Variants in YEATS4 observed in about 807,000 individuals in gnomAD.
The protein encoded by YEATS4 is YEATS domain-containing protein 4.
In YEATS4, 17 loss-of-function variants were observed where a neutral mutation model predicts 30.1. That is an observed-to-expected ratio of 0.56 (90% CI 0.39 to 0.85). The LOEUF (loss-of-function observed/expected upper bound fraction) is 0.85, where lower values mean the gene tolerates loss of function less well. YEATS4 is among the 40% of genes least tolerant of loss of function. YEATS4 has a pLI of 0.00. For synonymous variants in YEATS4, 85 were observed against 87.5 expected (o/e 0.97, Z 0.16); for missense variants, 142 against 268.3 (o/e 0.53, Z 3.29).
In YEATS4 at chr12:69,362,856, A is replaced by T; in HGVS notation, c.120A>T (p.Glu40Asp). 6.2e-7 allele frequency: 1 copy of T among 1,612,904 alleles called. No homozygotes were observed. Among genetic ancestry groups the T allele is most frequent in the Non-Finnish European group, 8.5e-7 (1 of 1,179,266 alleles). The change falls in exon 2 of 7, where the codon GAA (glutamate) becomes GAT (aspartate). Residue 40 changes from glutamate to aspartate, a missense_variant. Glu to Asp is a conservative substitution (Grantham distance 45, BLOSUM62 2). This residue lies in a region of YEATS4 where 64 missense variants were observed against 164.0 expected (regional missense o/e 0.39). Coordinates refer to ENST00000247843, the MANE Select transcript of YEATS4 (RefSeq NM_006530.4). ...GGTATTTTGGAAAGAAAAGAGAAGAAGATGGGCACACTCATCAGTGGACAG... is the reference window on the plus strand; with the variant it reads ...GGTATTTTGGAAAGAAAAGAGAAGATGATGGGCACACTCATCAGTGGACAG... ...VARYFGKKRE[E>D]DGHTHQWTVY...
chr12:69,408,819 G>A, the YEATS4 span, among the ~76,000 whole-genome samples: 1 of 152,140 alleles, frequency 6.6e-6, no homozygotes, highest in East Asian at 1.9e-4. Context: ...AGCTATTTTT[G>A]GAGCATCTAT....
rs575737411 is a variant in YEATS4, at chr12:69,363,138, G to A, written c.171+231G>A. 6.6e-5 allele frequency among the ~76,000 whole-genome samples: 10 copies of A among 151,482 alleles called. No homozygotes were observed. In the South Asian group the frequency reaches 1.0e-3, roughly 16 times the overall value. On this transcript the variant is annotated intron_variant, in intron 2 of 6. Transcript: ENST00000247843. ...CTCCCGAGTAGCTGGGACTACAGGC[G>A]CCCGCCACCACGCCCGGCTAATTTT...
Position 69,390,178 on chromosome 12 carries a change from A to T in YEATS4, c.546A>T (p.Lys182Asn), listed in dbSNP as rs1868300658. 1 of 1,591,232 alleles carries T rather than the reference A, an allele frequency of 6.3e-7. No homozygotes were observed. Among genetic ancestry groups the T allele is most frequent in the East Asian group, 2.2e-5 (1 of 44,678 alleles). The part of the protein sequence containing the change: ...FAELEVKTRE[K>N]LEAAKKKTSF... Reference sequence around the variant, plus strand: ...AGCTTGAAGTGAAAACCAGAGAAAAATTAGAAGCTGCTAAGAAAAAAACAA... The same window carrying T: ...AGCTTGAAGTGAAAACCAGAGAAAATTTAGAAGCTGCTAAGAAAAAAACAA... The change falls in exon 7 of 7, where the codon AAA (lysine) becomes AAT (asparagine). Residue 182 changes from lysine (K) to asparagine (N), a missense_variant. Coordinates refer to ENST00000247843, the MANE Select transcript of YEATS4 (RefSeq NM_006530.4).
chr12:69,374,069 T>C (rs1875749008), intron 6 of YEATS4, among the ~76,000 whole-genome samples: 1 of 152,204 alleles, frequency 6.6e-6, no homozygotes, highest in Non-Finnish European at 1.5e-5. Context: ...TCCTCCAGTT[T>C]TGTTCTTTTT....
At chr12:69,379,352 T>C (rs1875981922) in intron 6 of YEATS4, among the ~76,000 whole-genome samples, 2 of 152,092 alleles carry the variant, frequency 1.3e-5, no homozygotes, top group Non-Finnish European at 2.9e-5. Context: ...ATAAACTTTC[T>C]ACTCCTCTCT....
Position 69,359,866 on chromosome 12 carries a change from C to G in YEATS4, c.-107C>G. 28 of 1,414,202 alleles carry G rather than the reference C, an allele frequency of 2.0e-5. No homozygotes were observed. The highest frequency in any genetic ancestry group is 2.7e-5 in the Non-Finnish European group (28 of 1,028,872). 87.6% of individuals were successfully genotyped at this position (1,414,202 alleles called of 1,614,324 possible). ...TAACTCGCCCTCCTTCGGCTAGAAA[C>G]CCTCCGCCTGGGCCCGCGCGACAGG... On this transcript the variant is annotated 5_prime_UTR_variant, in exon 1 of 7. Transcript: ENST00000247843.
chr12:69,375,464 G>A (rs1377022644), intron 6 of YEATS4, among the ~76,000 whole-genome samples: 2 of 151,558 alleles, frequency 1.3e-5, no homozygotes, highest in African/African-American at 2.4e-5. Context: ...GACGATGGGC[G>A]GCCAGGCAGA....
At chr12:69,373,117 CT>C (rs1249087686) in intron 6 of YEATS4, among the ~76,000 whole-genome samples, 2 of 152,134 alleles carry the variant, frequency 1.3e-5, no homozygotes, top group African/African-American at 4.8e-5. Flanking sequence ...GTGCAGATAT[CT>C]TTTTGATATA....
chr12:69,415,153 G>GA, the YEATS4 span, among the ~76,000 whole-genome samples: 3 of 152,162 alleles, frequency 2.0e-5, no homozygotes, highest in African/African-American at 7.2e-5. Flanking sequence ...CAGTAAGAGA[G>GA]AAAGAAACAG....
At chr12:69,362,013 GTTTTTT>G (rs533225716) in intron 1 of YEATS4, among the ~76,000 whole-genome samples, 6 of 69,080 alleles carry the variant, frequency 8.7e-5, no homozygotes, top group Middle Eastern at 7.4e-3. Context: ...GTGTTTGGTT[GTTTTTT>G]TTTTTTTTTT....
chr12:69,383,160 A>T (rs1328843199), intron 6 of YEATS4, among the ~76,000 whole-genome samples: 1 of 152,044 alleles, frequency 6.6e-6, no homozygotes, highest in Non-Finnish European at 1.5e-5. Flanking sequence ...GCTACTCAGG[A>T]GGCTGAGGTT....
At chr12:69,389,732 C>T (rs1197727568) in intron 6 of YEATS4, among the ~76,000 whole-genome samples, 1 of 151,946 alleles carries the variant, frequency 6.6e-6, no homozygotes. Flanking sequence ...AGGTTGGTCT[C>T]GAACTCCTGA....
chr12:69,373,995 T>C (rs1204216417), intron 6 of YEATS4, among the ~76,000 whole-genome samples: 2 of 152,224 alleles, frequency 1.3e-5, no homozygotes, highest in Non-Finnish European at 2.9e-5. Context: ...TGTGTCTCTT[T>C]TTCTGCAAGT....
chr12:69,390,406 T>G lies in YEATS4; in HGVS notation c.*90T>G. 2 of 1,240,644 alleles carry G rather than the reference T, an allele frequency of 1.6e-6. No homozygotes were observed. Among genetic ancestry groups the G allele is most frequent in the Non-Finnish European group, 2.2e-6 (2 of 918,254 alleles). 76.9% of individuals were successfully genotyped at this position (1,240,644 alleles called of 1,614,324 possible). On this transcript the variant is annotated 3_prime_UTR_variant, in exon 7 of 7. Transcript: ENST00000247843. The stretch of plus-strand genomic sequence containing the variant: ...GGACTTACTGCAAATGCTGTGATGT[T>G]TCTTAGAGGAACTTCATATACAGCT...
At chr12:69,419,982 G>A in the YEATS4 span, among the ~76,000 whole-genome samples, 1 of 152,200 alleles carries the variant, frequency 6.6e-6, no homozygotes, top group Non-Finnish European at 1.5e-5. Flanking sequence ...GGCCTGAGTG[G>A]TTGAAGGTCA....
chr12:69,407,702 CTTTTTTTTTTTTTTTTTTTTT>C, the YEATS4 span, among the ~76,000 whole-genome samples: 1 of 62,620 alleles, frequency 1.6e-5, no homozygotes, highest in Non-Finnish European at 2.7e-5. Flanking sequence ...TACTTTTTGT[CTTTTTTTTTTTTTTTTTTTTT>C]TTTTTTTTTT....
At chr12:69,380,964 A>T (rs949370470) in intron 6 of YEATS4, among the ~76,000 whole-genome samples, 4 of 152,200 alleles carry the variant, frequency 2.6e-5, no homozygotes, top group Non-Finnish European at 4.4e-5. Flanking sequence ...AAGATATCAC[A>T]AGGCAAATGG....
chr12:69,377,960 T>C (rs1433989200), intron 6 of YEATS4, among the ~76,000 whole-genome samples: 1 of 152,240 alleles, frequency 6.6e-6, no homozygotes, highest in Non-Finnish European at 1.5e-5. Flanking sequence ...ATGCCAGGTA[T>C]TGTTGTATTG....
chr12:69,369,198 G>A (rs1875551468), intron 4 of YEATS4, among the ~76,000 whole-genome samples: 1 of 152,096 alleles, frequency 6.6e-6, no homozygotes, highest in Admixed American at 6.5e-5. Context: ...TCACTCCTGT[G>A]CATCTCATAT....
Sources: gnomAD v4.1 joint callset for allele counts (sites outside exome capture counted in the v4.1 genomes callset) on GRCh38, gnomAD v4.1.1 for gene constraint, gnomAD v4.1.1 regional missense constraint, MANE v1.5 for transcripts, NCBI Gene and HGNC (gene_info 2026-07-23, HGNC 2026-07-21) for gene names.